Variants in NBEA observed in about 807,000 individuals in gnomAD.
NBEA encodes neurobeachin.
NBEA carries 44 observed loss-of-function variants against 343.4 expected under a neutral mutation model. The ratio of observed to expected loss-of-function variants is 0.13; its 90% CI spans 0.10 to 0.16. The LOEUF is 0.16. Among genes scored for constraint, NBEA ranks in the 10% least tolerant of loss-of-function variants. The pLI is 1.00. For synonymous variants in NBEA, 1,175 were observed against 1,238.7 expected (o/e 0.95, Z 1.08); for missense variants, 2,555 against 3,631.3 (o/e 0.70, Z 7.62).
intron 1 of NBEA, among the ~76,000 whole-genome samples, chr13:34,997,246 T>C (rs962910149): frequency 6.6e-6 from 1 of 152,200 alleles, no homozygotes; most frequent in African/African-American, 2.4e-5. Context: ...TTCTCAAGAA[T>C]ATGATATGTG....
At chr13:34,943,700 T>G (rs1395661458) in intron 1 of NBEA, among the ~76,000 whole-genome samples, 1 of 152,184 alleles carries the variant, frequency 6.6e-6, no homozygotes, top group East Asian at 1.9e-4. Context: ...CCCCTCCATC[T>G]CAGAAGCAGC....
intron 47 of NBEA, among the ~76,000 whole-genome samples, chr13:35,603,401 CA>C (rs2082143793): frequency 6.6e-6 from 1 of 152,124 alleles, no homozygotes; most frequent in South Asian, 2.1e-4. Context: ...ATTTTATTCA[CA>C]TTAATAAATA....
In NBEA at chr13:35,317,232, T is replaced by G. The variant is rs141357295; in HGVS notation, c.5903+7640T>G. Among the ~76,000 whole-genome samples the G allele has an allele frequency of 9.6e-3, 1,463 of 152,340 alleles. 24 individuals carry two copies. Among genetic ancestry groups the G allele is most frequent in the African/African-American group, 0.033 (1,376 of 41,574 alleles). On this transcript the variant is annotated intron_variant, in intron 36 of 58. Coordinates refer to ENST00000379939, the MANE Select transcript of NBEA (RefSeq NM_001385012.1). ...TTGCCTAGGTTTTCTTCTAGGGTTT[T>G]TATGGTTTTACGTTTAAGTCTTTAA...
chr13:35,392,491 T>TG (rs1442025317), intron 38 of NBEA, among the ~76,000 whole-genome samples: 1 of 151,778 alleles, frequency 6.6e-6, no homozygotes, highest in African/African-American at 2.4e-5. Context: ...TTTGTTTTTT[T>TG]TTTTTGCCTT....
chr13:35,544,080 C>G (rs1225488016), intron 41 of NBEA, among the ~76,000 whole-genome samples: 2 of 152,110 alleles, frequency 1.3e-5, no homozygotes, highest in African/African-American at 4.8e-5. Flanking sequence ...CCACAAATTC[C>G]AAATTTATAT....
At chr13:35,589,803 C>T (rs1188267195) in intron 46 of NBEA, among the ~76,000 whole-genome samples, 1 of 151,968 alleles carries the variant, frequency 6.6e-6, no homozygotes, top group Non-Finnish European at 1.5e-5. Context: ...AGGTACTTTC[C>T]AGTGCAGGCA....
chr13:35,606,870 C>A (rs556484369), intron 48 of NBEA, among the ~76,000 whole-genome samples: 1 of 152,174 alleles, frequency 6.6e-6, no homozygotes, highest in Admixed American at 6.5e-5. Flanking sequence ...ATAATGTATT[C>A]TAAAGTGCTT....
chr13:35,118,469 A>G lies in NBEA; in HGVS notation c.2238A>G (p.Gly746=). The G allele has an allele frequency of 6.3e-7, 1 of 1,590,764 alleles. No individual in the cohort carries two copies. The highest frequency in any genetic ancestry group is 1.1e-5 in the South Asian group (1 of 87,950). The change falls in exon 16 of 59, where the codon GGA becomes GGG. Residue 746 remains glycine, a synonymous_variant. Transcript: ENST00000379939. The part of the protein sequence containing the change: ...SMIPAFDQRN[G]IRVIYKLLAS... ...TACCAGCATTTGATCAAAGAAATGG[A>G]ATAAGGTATGATTATAATATTAGTA...
intron 10 of NBEA, among the ~76,000 whole-genome samples, chr13:35,080,634 A>G (rs768639685): frequency 6.6e-6 from 1 of 152,136 alleles, no homozygotes; most frequent in Non-Finnish European, 1.5e-5. Context: ...GGTATTTGGT[A>G]TGTATCCCTT....
In NBEA at chr13:35,247,208, G is replaced by A. The variant is rs552203528; in HGVS notation, c.5776+14589G>A. Among the ~76,000 whole-genome samples the A allele has an allele frequency of 7.9e-5, 12 of 152,246 alleles. No homozygotes were observed. In the South Asian group the frequency reaches 2.3e-3, roughly 29 times the overall value. Reference sequence around the variant, plus strand: ...GGCTGAGAACTTACCCCAGGCTACCGGCCTCCTGGCCCAGAAAGCAAGCAG... The same window carrying A: ...GGCTGAGAACTTACCCCAGGCTACCAGCCTCCTGGCCCAGAAAGCAAGCAG... On this transcript the variant is annotated intron_variant, in intron 34 of 58. Coordinates refer to ENST00000379939, the MANE Select transcript of NBEA (RefSeq NM_001385012.1).
At chr13:34,954,999 G>A (rs1299735540) in intron 1 of NBEA, among the ~76,000 whole-genome samples, 1 of 152,142 alleles carries the variant, frequency 6.6e-6, no homozygotes, top group Non-Finnish European at 1.5e-5. Flanking sequence ...AGGAGTCAGA[G>A]TGTTTTTGGA....
intron 40 of NBEA, among the ~76,000 whole-genome samples, chr13:35,456,077 G>T (rs752731391): frequency 6.6e-6 from 1 of 151,914 alleles, no homozygotes; most frequent in African/African-American, 2.4e-5. Context: ...TCTATGTGTG[G>T]TCCAAATCAA....
intron 17 of NBEA, among the ~76,000 whole-genome samples, chr13:35,125,155 C>T (rs776248220): frequency 6.6e-6 from 1 of 152,000 alleles, no homozygotes; most frequent in African/African-American, 2.4e-5. Flanking sequence ...AATGATACAA[C>T]AAGAAGTAAA....
chr13:35,300,585 A>T (rs2036474870), intron 35 of NBEA, among the ~76,000 whole-genome samples: 1 of 152,172 alleles, frequency 6.6e-6, no homozygotes, highest in South Asian at 2.1e-4. Context: ...TCAGAGTTTT[A>T]AAACTATTTC....
chr13:35,670,770 A>G (rs2085584445), intron 58 of NBEA, 131 bp from the exon 59 acceptor site: 3 of 653,258 alleles, frequency 4.6e-6, no homozygotes, highest in Non-Finnish European at 8.0e-6. Flanking sequence ...TACAAAATTA[A>G]GACTTGGCAA....
intron 44 of NBEA, among the ~76,000 whole-genome samples, chr13:35,560,396 C>G (rs945433428): frequency 1.3e-5 from 2 of 152,188 alleles, no homozygotes; most frequent in African/African-American, 2.4e-5. Flanking sequence ...AATTTATTTA[C>G]TGTCATGACT....
intron 51 of NBEA, among the ~76,000 whole-genome samples, chr13:35,646,816 A>G (rs2084259084): frequency 1.3e-5 from 2 of 152,202 alleles, no homozygotes; most frequent in South Asian, 4.1e-4. Flanking sequence ...CAGAGTGGTT[A>G]AGAGTAAGGG....
chr13:35,034,816 G>A (rs1027632039), intron 1 of NBEA, among the ~76,000 whole-genome samples: 11 of 151,888 alleles, frequency 7.2e-5, no homozygotes, highest in South Asian at 4.1e-4. Context: ...AATAATTTGC[G>A]TGTGGTTGCT....
intron 55 of NBEA, among the ~76,000 whole-genome samples, chr13:35,661,610 C>T (rs2085094148): frequency 6.6e-6 from 1 of 152,096 alleles, no homozygotes; most frequent in Non-Finnish European, 1.5e-5. Flanking sequence ...CTCCACAGCA[C>T]CTGCCTGTGG....
Sources: allele counts gnomAD v4.1 joint callset (sites outside exome capture counted in the v4.1 genomes callset), GRCh38; gene constraint gnomAD v4.1.1; transcripts MANE v1.5; gene names NCBI Gene and HGNC (gene_info 2026-07-23, HGNC 2026-07-21).